TNFRSF10A: variants seen among roughly 807,000 people sequenced by gnomAD.
TNFRSF10A encodes the protein TNF receptor superfamily member 10a, also known as tumor necrosis factor receptor superfamily member 10A.
Under a neutral mutation model 42.8 loss-of-function variants are expected in TNFRSF10A, and 44 were observed. The ratio of observed to expected loss-of-function variants is 1.03; its 90% CI spans 0.81 to 1.32. The LOEUF is 1.32. Among genes scored for constraint, TNFRSF10A ranks in the 40% most tolerant of loss-of-function variants. The pLI, the probability that TNFRSF10A is intolerant of heterozygous loss-of-function variation, is 0.00. For synonymous variants in TNFRSF10A, 259 were observed against 234.2 expected, an observed-to-expected ratio of 1.11 and a Z score of -0.97; for missense variants, 680 against 602.0, an observed-to-expected ratio of 1.13 and a Z score of -1.36.
intron 1 of TNFRSF10A, among the ~76,000 whole-genome samples, chr8:23,212,579 T>C (rs1801106620): frequency 6.6e-6 from 1 of 152,256 alleles, no homozygotes; most frequent in Non-Finnish European, 1.5e-5. Context: ...ATTGTGTGTA[T>C]ATGTATTACG....
At chr8:23,194,118 G>C (rs1800791787) in intron 9 of TNFRSF10A, among the ~76,000 whole-genome samples, 1 of 152,186 alleles carries the variant, frequency 6.6e-6, no homozygotes, top group African/African-American at 2.4e-5. Context: ...TCAGCCATGT[G>C]AACATATTTG....
chr8:23,213,860 C>T (rs1801135506), intron 1 of TNFRSF10A, among the ~76,000 whole-genome samples: 1 of 152,142 alleles, frequency 6.6e-6, no homozygotes, highest in Non-Finnish European at 1.5e-5. Context: ...CTTTCATATC[C>T]TGTAACTTAT....
intron 8 of TNFRSF10A, among the ~76,000 whole-genome samples, chr8:23,198,611 CAAAAAAAAGA>C (rs1186242246): frequency 1.3e-5 from 2 of 148,292 alleles, no homozygotes. Context: ...TCCTAAATAG[CAAAAAAAAGA>C]AAAAAAAAGA....
intron 2 of TNFRSF10A, among the ~76,000 whole-genome samples, chr8:23,207,798 A>G (rs920735716): frequency 4.0e-5 from 6 of 151,844 alleles, no homozygotes; most frequent in African/African-American, 1.5e-4. Flanking sequence ...CTTGCCTTCC[A>G]TCATTATTGT....
intron 8 of TNFRSF10A, among the ~76,000 whole-genome samples, chr8:23,198,233 G>C (rs1214306327): frequency 2.0e-5 from 3 of 152,054 alleles, no homozygotes; most frequent in African/African-American, 7.2e-5. Context: ...GGAGTGCCTC[G>C]CTTTGCACTG....
In TNFRSF10A at chr8:23,201,694, C is replaced by T; in HGVS notation, c.629+114G>A. 1.3e-5 allele frequency: 12 copies of T among 938,812 alleles called. No individual in the cohort carries two copies. The South Asian group carries it at 1.7e-4, about 14-fold the overall frequency. The allele number at this position is 938,812 out of a possible 1,614,324, so 58.2% of individuals were successfully genotyped here. Reference sequence around the variant, plus strand: ...TCAGGGACACCTATGGGGGTGGAGGCACCATGGGGTCAGGGCTGATAGATA... The same window carrying T: ...TCAGGGACACCTATGGGGGTGGAGGTACCATGGGGTCAGGGCTGATAGATA... On this transcript the variant is annotated intron_variant, in intron 4 of 9. Coordinates refer to ENST00000221132, the MANE Select transcript of TNFRSF10A (RefSeq NM_003844.4).
chr8:23,199,986 T>C (rs1800884327), intron 6 of TNFRSF10A, 69 bp from the exon 7 acceptor site: 2 of 1,598,114 alleles, frequency 1.3e-6, no homozygotes, highest in Non-Finnish European at 1.7e-6. Context: ...TAGAGGGCAG[T>C]GTTGGGCAGG....
At chr8:23,193,692 C>G (rs1256104844) in intron 9 of TNFRSF10A, among the ~76,000 whole-genome samples, 2 of 152,066 alleles carry the variant, frequency 1.3e-5, no homozygotes, top group East Asian at 1.9e-4. Context: ...CAAACCTAAC[C>G]AATGGAGAGA....
chr8:23,201,301 T>C (rs973376027), intron 4 of TNFRSF10A, among the ~76,000 whole-genome samples: 2 of 152,092 alleles, frequency 1.3e-5, no homozygotes, highest in Non-Finnish European at 2.9e-5. Context: ...TGGGCTCAGG[T>C]CCTCATGGGA....
At chr8:23,220,437 C>G (rs1315960754) in intron 1 of TNFRSF10A, among the ~76,000 whole-genome samples, 3 of 152,198 alleles carry the variant, frequency 2.0e-5, no homozygotes, top group African/African-American at 7.2e-5. Flanking sequence ...TCAAAGAGCC[C>G]AGAGATTGGA....
rs779958602 is a variant in TNFRSF10A, at chr8:23,224,903, T to C, written c.159A>G (p.Gly53=). The change falls in exon 1 of 10, where the codon GGA becomes GGG. Residue 53 remains glycine (G), a synonymous_variant. Coordinates refer to ENST00000221132, the MANE Select transcript of TNFRSF10A (RefSeq NM_003844.4). ...GRIEPRGGGR[G]ALPTSMGQHG... ...GCTGTCCCATGGAGGTAGGGAGCGC[T>C]CCTCGGCCCCCGCCTCGTGGTTCAA... The C allele has an allele frequency of 6.3e-7, 1 of 1,594,646 alleles. No homozygotes were observed. The highest frequency in any genetic ancestry group is 1.1e-5 in the South Asian group (1 of 88,352).
chr8:23,199,314 A>G lies in TNFRSF10A; in HGVS notation c.966T>C (p.Asp322=). The stretch of plus-strand genomic sequence containing the variant: ...GGGACTGTACAGTGACACCTGTCAA[A>G]TCTGCCGGCTCCTGGCTTTCCATTT... The part of the protein sequence containing the change: ...EQQMESQEPA[D]LTGVTVQSPG... Residue 322 remains aspartate (D), a synonymous_variant, in exon 8 of 10, where the codon GAT becomes GAC. Coordinates refer to ENST00000221132, the MANE Select transcript of TNFRSF10A (RefSeq NM_003844.4). 1.2e-6 allele frequency: 2 copies of G among 1,614,152 alleles called. No homozygotes were observed. Among genetic ancestry groups the G allele is most frequent in the East Asian group, 2.2e-5 (1 of 44,886 alleles).
chr8:23,219,777 A>G (rs73222600), intron 1 of TNFRSF10A, among the ~76,000 whole-genome samples: 41,345 of 152,042 alleles, frequency 0.27, 5,645 homozygotes, highest in South Asian at 0.39. Flanking sequence ...TGAGACCAAC[A>G]GCAGACATGG....
intron 1 of TNFRSF10A, among the ~76,000 whole-genome samples, chr8:23,221,245 G>A (rs1180477988): frequency 6.6e-6 from 1 of 152,188 alleles, no homozygotes; most frequent in African/African-American, 2.4e-5. Context: ...TGCCAACACA[G>A]ACCACTGTGG....
At chr8:23,207,298 A>C in intron 2 of TNFRSF10A, 2 of 601,228 alleles carry the variant, frequency 3.3e-6, no homozygotes, top group Admixed American at 3.7e-5. Flanking sequence ...TGATGGAGAG[A>C]AGAAGGCATA....
chr8:23,197,374 T>C (rs553121588), intron 8 of TNFRSF10A, 170 bp from the exon 9 acceptor site: 12 of 685,578 alleles, frequency 1.8e-5, no homozygotes, highest in African/African-American at 5.3e-5. Context: ...CCACTCCCCA[T>C]TGCTGGCATT....
chr8:23,207,088 C>A (rs781423163), intron 2 of TNFRSF10A: 5 of 537,238 alleles, frequency 9.3e-6, no homozygotes, highest in South Asian at 3.1e-5. Context: ...CTGGAGAGCA[C>A]CCCCAGGAGA....
Position 23,200,719 on chromosome 8 carries a change from C to T in TNFRSF10A, c.671G>A (p.Trp224Ter), listed in dbSNP as rs1228776087. 8 of 1,613,310 alleles carry T rather than the reference C, an allele frequency of 5.0e-6. No individual in the cohort carries two copies. In the African/African-American group the frequency reaches 9.4e-5, roughly 19 times the overall value. ...TTTGTGGACACACTCGATGTCACTC[C>T]AGGGCGTACAATCCTTGACCTTGAC... ...GMVKVKDCTPWSDIECVHKES... is the reference protein window; with the variant it reads ...GMVKVKDCTP Residue 224 changes from tryptophan (W) to a stop codon, truncating the protein, a stop_gained, in exon 5 of 10, where the codon TGG becomes TAG. Transcript: ENST00000221132. LOFTEE classifies it high-confidence loss of function.
intron 1 of TNFRSF10A, among the ~76,000 whole-genome samples, chr8:23,218,805 T>C (rs1425511772): frequency 2.0e-5 from 3 of 152,212 alleles, no homozygotes; most frequent in African/African-American, 4.8e-5. Context: ...ACAAATGTTC[T>C]GAGTCTCATG....
Sources: gnomAD v4.1 joint callset for allele counts (sites outside exome capture counted in the v4.1 genomes callset) on GRCh38, gnomAD v4.1.1 for gene constraint, MANE v1.5 for transcripts, NCBI Gene and HGNC (gene_info 2026-07-23, HGNC 2026-07-21) for gene names.